SUGCT: variants seen among roughly 807,000 people sequenced by gnomAD.
The protein encoded by SUGCT is succinyl-CoA:glutarate CoA-transferase.
A neutral mutation model predicts 55.0 loss-of-function variants in SUGCT; 41 were observed. That is an observed-to-expected ratio of 0.74 (90% CI 0.58 to 0.97). The LOEUF is 0.97. SUGCT is among the 50% of genes least tolerant of loss of function. The pLI, the probability that SUGCT is intolerant of heterozygous loss-of-function variation, is 0.00. For missense variants in SUGCT, 568 were observed against 547.8 expected (o/e 1.04, Z -0.37); for synonymous variants, 187 against 200.4 (o/e 0.93, Z 0.56).
intron 7 of SUGCT, among the ~76,000 whole-genome samples, chr7:40,257,641 T>A (rs996292924): frequency 6.6e-6 from 1 of 152,158 alleles, no homozygotes; most frequent in African/African-American, 2.4e-5. Flanking sequence ...TTTGGGAGGC[T>A]GAGGCTGGCG....
At chr7:40,204,491 A>G (rs2150774213) in intron 6 of SUGCT, among the ~76,000 whole-genome samples, 1 of 152,038 alleles carries the variant, frequency 6.6e-6, no homozygotes, top group East Asian at 1.9e-4. Flanking sequence ...TTTAGTAGAG[A>G]CAGGGTTTCA....
chr7:40,784,574 G>T (rs1789925059), intron 13 of SUGCT, among the ~76,000 whole-genome samples: 1 of 152,118 alleles, frequency 6.6e-6, no homozygotes, highest in South Asian at 2.1e-4. Context: ...TGTCCCCTTT[G>T]ATCCCTTTCC....
chr7:40,153,154 G>C (rs1788670993), intron 1 of SUGCT: 1 of 256,264 alleles, frequency 3.9e-6, no homozygotes, highest in Admixed American at 5.5e-5. Context: ...TCACTACAAT[G>C]TTTTAGATTC....
At chr7:40,666,108 C>T (rs1584238649) in intron 12 of SUGCT, among the ~76,000 whole-genome samples, 1 of 151,966 alleles carries the variant, frequency 6.6e-6, no homozygotes, top group East Asian at 1.9e-4. Flanking sequence ...TGCCTGTAAT[C>T]CCAGCACTTT....
intron 12 of SUGCT, among the ~76,000 whole-genome samples, chr7:40,655,882 G>A (rs918230597): frequency 6.6e-6 from 1 of 152,068 alleles, no homozygotes; most frequent in Non-Finnish European, 1.5e-5. Flanking sequence ...TACTACTGAT[G>A]TTTTAGGTTG....
intron 9 of SUGCT, among the ~76,000 whole-genome samples, chr7:40,370,350 C>T (rs1193893101): frequency 2.0e-5 from 3 of 152,144 alleles, no homozygotes; most frequent in Admixed American, 1.3e-4. Context: ...GGGCCCTGCA[C>T]TGTAGCTGCT....
intron 12 of SUGCT, among the ~76,000 whole-genome samples, chr7:40,709,102 G>T (rs1262003499): frequency 6.6e-6 from 1 of 152,168 alleles, no homozygotes; most frequent in East Asian, 1.9e-4. Flanking sequence ...GAATTATGAT[G>T]ACATAAATTT....
intron 1 of SUGCT, among the ~76,000 whole-genome samples, chr7:40,148,132 G>A (rs551640046): frequency 6.6e-6 from 1 of 151,340 alleles, no homozygotes; most frequent in African/African-American, 2.5e-5. Flanking sequence ...GCAGGAAATC[G>A]GAATGAGTCA....
chr7:40,304,629 T>G (rs1283417810), intron 8 of SUGCT, among the ~76,000 whole-genome samples: 2 of 150,946 alleles, frequency 1.3e-5, no homozygotes, highest in Non-Finnish European at 3.0e-5. Context: ...AGCATATCAT[T>G]CTTATGTCTT....
chr7:40,270,284 T>A (rs1261499446), intron 7 of SUGCT, among the ~76,000 whole-genome samples: 1 of 152,184 alleles, frequency 6.6e-6, no homozygotes, highest in Non-Finnish European at 1.5e-5. Flanking sequence ...ATGTCCAATT[T>A]ATTTTTTCTT....
At chr7:40,601,308 A>C (rs933779916) in intron 12 of SUGCT, among the ~76,000 whole-genome samples, 1 of 152,190 alleles carries the variant, frequency 6.6e-6, no homozygotes, top group African/African-American at 2.4e-5. Context: ...TGAAGTTCCT[A>C]GCTCATTTGA....
intron 12 of SUGCT, among the ~76,000 whole-genome samples, chr7:40,670,504 TAAAG>T (rs930961036): frequency 6.6e-6 from 1 of 152,086 alleles, no homozygotes; most frequent in Non-Finnish European, 1.5e-5. Context: ...AAAAGGATAA[TAAAG>T]ATATACTACG....
chr7:40,849,901 G>A (rs1056359576), intron 13 of SUGCT, among the ~76,000 whole-genome samples: 2 of 152,124 alleles, frequency 1.3e-5, no homozygotes, highest in African/African-American at 2.4e-5. Context: ...GTATTGCAGA[G>A]CATCCCCTGA....
chr7:40,479,533 T>C (rs978825190), intron 11 of SUGCT, among the ~76,000 whole-genome samples: 3 of 152,176 alleles, frequency 2.0e-5, no homozygotes, highest in Admixed American at 6.6e-5. Context: ...TTAAGTGATG[T>C]ATGACTGTAT....
chr7:40,484,532 A>G (rs1333601641), intron 11 of SUGCT, among the ~76,000 whole-genome samples: 1 of 152,100 alleles, frequency 6.6e-6, no homozygotes, highest in Non-Finnish European at 1.5e-5. Flanking sequence ...GTTAATATCT[A>G]ATGAGTCTAC....
the SUGCT span, among the ~76,000 whole-genome samples, chr7:40,963,256 G>A: frequency 6.6e-6 from 1 of 152,012 alleles, no homozygotes; most frequent in South Asian, 2.1e-4. Flanking sequence ...GACTCCCCAA[G>A]TGGAGACTAT....
intron 9 of SUGCT, among the ~76,000 whole-genome samples, chr7:40,423,940 T>G (rs1189761302): frequency 6.6e-6 from 1 of 152,124 alleles, no homozygotes; most frequent in Non-Finnish European, 1.5e-5. Context: ...TTTTTCTAAT[T>G]TTTTTGACAA....
intron 12 of SUGCT, among the ~76,000 whole-genome samples, chr7:40,720,409 G>A (rs1786264869): frequency 6.6e-6 from 1 of 152,192 alleles, no homozygotes; most frequent in Non-Finnish European, 1.5e-5. Flanking sequence ...GAATGGAGAT[G>A]CTGTATATCA....
At chr7:40,370,685 T>G (rs1246487636) in intron 9 of SUGCT, among the ~76,000 whole-genome samples, 2 of 151,846 alleles carry the variant, frequency 1.3e-5, no homozygotes, top group African/African-American at 4.8e-5. Context: ...AAATGTTAAA[T>G]GTGGTATCTC....
Sources: gnomAD v4.1 joint callset for allele counts (sites outside exome capture counted in the v4.1 genomes callset) on GRCh38, gnomAD v4.1.1 for gene constraint, MANE v1.5 for transcripts, NCBI Gene and HGNC (gene_info 2026-07-23, HGNC 2026-07-21) for gene names.